CUL1: variants seen among roughly 807,000 people sequenced by gnomAD.
CUL1 encodes cullin-1.
CUL1 carries 24 observed loss-of-function variants against 118.0 expected under a neutral mutation model. The ratio of observed to expected loss-of-function variants is 0.20; its 90% CI spans 0.15 to 0.29. The LOEUF (loss-of-function observed/expected upper bound fraction) is 0.29, where lower values mean the gene tolerates loss of function less well. Ranked by LOEUF, CUL1 falls within the 10% of genes least tolerant of loss-of-function variation. The pLI is 1.00. For missense variants in CUL1, 361 were observed against 933.8 expected (o/e 0.39, Z 7.99); for synonymous variants, 332 against 340.4 (o/e 0.98, Z 0.27).
intron 14 of CUL1, among the ~76,000 whole-genome samples, 186 bp from the exon 15 acceptor site, chr7:148,789,564 C>T (rs548154302): frequency 5.7e-4 from 87 of 152,270 alleles, no homozygotes; most frequent in African/African-American, 2.0e-3. Context: ...CTGGCTCTTG[C>T]ACTTTTTGCT....
intron 1 of CUL1, among the ~76,000 whole-genome samples, chr7:148,725,328 C>T (rs760941490): frequency 6.6e-6 from 1 of 152,174 alleles, no homozygotes; most frequent in Non-Finnish European, 1.5e-5. Context: ...ACACAGGTGA[C>T]ACACCCAGAT....
chr7:148,767,630 A>C lies in CUL1; in HGVS notation c.964A>C (p.Met322Leu), dbSNP rs1310175647. 1 of 1,613,512 alleles carries C rather than the reference A, an allele frequency of 6.2e-7. No individual in the cohort carries two copies. The highest frequency in any genetic ancestry group is 8.5e-7 in the Non-Finnish European group (1 of 1,179,890). ...TCTTCCTCTTTCAGATTTGGGACGCATGTATAATCTTGTATCTAGAATCCA... is the reference window on the plus strand; with the variant it reads ...TCTTCCTCTTTCAGATTTGGGACGCCTGTATAATCTTGTATCTAGAATCCA... ...DADKNEDLGR[M>L]YNLVSRIQDG... The change falls in exon 9 of 22, where the codon ATG becomes CTG. Residue 322 changes from methionine (M) to leucine (L), a missense_variant. Met to Leu is a conservative substitution (Grantham distance 15). Around this residue, in one of 7 missense-constraint regions of CUL1, gnomAD observed 169 missense variants for 429.7 expected, o/e 0.39. Transcript: ENST00000325222.
At chr7:148,776,306 G>GTTTTTTTTTT (rs1563166099) in intron 9 of CUL1, among the ~76,000 whole-genome samples, 3 of 33,954 alleles carry the variant, frequency 8.8e-5, no homozygotes, top group South Asian at 8.3e-4. Context: ...ACATAACCAG[G>GTTTTTTTTTT]CTTTTTTTTT....
At chr7:148,740,144 G>T (rs1799095140) in intron 2 of CUL1, among the ~76,000 whole-genome samples, 1 of 150,928 alleles carries the variant, frequency 6.6e-6, no homozygotes, top group African/African-American at 2.4e-5. Flanking sequence ...TCTCCACCTC[G>T]CAGGTTCAAG....
chr7:148,730,096 C>T lies in CUL1; in HGVS notation c.-27C>T. 6.2e-7 allele frequency: 1 copy of T among 1,606,232 alleles called. No individual in the cohort carries two copies. The highest frequency in any genetic ancestry group is 1.3e-5 in the African/African-American group (1 of 74,804). ...TGTACTTTGAATAAGGATTGCTGCA[C>T]TGGACGACTTTAGAACATCCCTCAC... On this transcript the variant is annotated 5_prime_UTR_variant, in exon 2 of 22. Transcript: ENST00000325222.
At chr7:148,757,742 G>A (rs1395609763) in intron 4 of CUL1, among the ~76,000 whole-genome samples, 1 of 152,180 alleles carries the variant, frequency 6.6e-6, no homozygotes. Context: ...GAAGTGTAAT[G>A]GGCTCAACAG....
chr7:148,703,942 C>T (rs1326575730), intron 1 of CUL1, among the ~76,000 whole-genome samples: 4 of 151,952 alleles, frequency 2.6e-5, no homozygotes, highest in African/African-American at 7.3e-5. Flanking sequence ...AACAGCATGG[C>T]GATCTCAAGA....
chr7:148,788,744 A>C (rs916956405), intron 14 of CUL1, 70 bp downstream of exon 14: 37 of 1,016,250 alleles, frequency 3.6e-5, no homozygotes, highest in Non-Finnish European at 4.2e-5. Context: ...GAAATGACAA[A>C]ATATTAGGTG....
chr7:148,772,427 A>AAC (rs1800245203), intron 9 of CUL1, among the ~76,000 whole-genome samples: 1 of 150,764 alleles, frequency 6.6e-6, no homozygotes, highest in African/African-American at 2.4e-5. Context: ...AAAAAAAACA[A>AAC]AAAAAAAAAC....
intron 2 of CUL1, among the ~76,000 whole-genome samples, chr7:148,732,790 T>A (rs2129459674): frequency 6.6e-6 from 1 of 152,366 alleles, no homozygotes; most frequent in South Asian, 2.1e-4. Context: ...AATTTGTAGT[T>A]GTTTTGGTAC....
chr7:148,716,509 T>A (rs961116053), intron 1 of CUL1, among the ~76,000 whole-genome samples: 1 of 152,218 alleles, frequency 6.6e-6, no homozygotes, highest in African/African-American at 2.4e-5. Context: ...AGAAGCCCCC[T>A]GAAATCCGCC....
At chr7:148,750,984 TAA>T (rs71192723) in intron 2 of CUL1, among the ~76,000 whole-genome samples, 41,747 of 143,120 alleles carry the variant, frequency 0.29, 6,590 homozygotes, top group African/African-American at 0.44. Flanking sequence ...CCTGTCTCTT[TAA>T]AAAAAAAAAA....
intron 1 of CUL1, among the ~76,000 whole-genome samples, chr7:148,726,261 A>G (rs184973724): frequency 6.6e-6 from 1 of 152,352 alleles, no homozygotes; most frequent in East Asian, 1.9e-4. Flanking sequence ...TTATGGAGAA[A>G]AATCCACATT....
At chr7:148,766,175 G>C (rs1799996620) in intron 7 of CUL1, among the ~76,000 whole-genome samples, 1 of 151,768 alleles carries the variant, frequency 6.6e-6, no homozygotes, top group South Asian at 2.1e-4. Flanking sequence ...CTGTTGCCCA[G>C]GCTGAAATGC....
At chr7:148,789,992 AG>A (rs1000988927) in intron 15 of CUL1, among the ~76,000 whole-genome samples, 166 bp downstream of exon 15, 2 of 152,232 alleles carry the variant, frequency 1.3e-5, no homozygotes, top group African/African-American at 4.8e-5. Flanking sequence ...GCAGTGGGGC[AG>A]GTCTGGATGT....
intron 2 of CUL1, among the ~76,000 whole-genome samples, chr7:148,731,722 ATTTAC>A (rs1281077635): frequency 6.6e-6 from 1 of 152,106 alleles, no homozygotes; most frequent in Admixed American, 6.5e-5. Flanking sequence ...GCAACTACTC[ATTTAC>A]TTTGTCTCTA....
chr7:148,761,843 C>T (rs1212724187), intron 7 of CUL1, among the ~76,000 whole-genome samples: 3 of 152,208 alleles, frequency 2.0e-5, no homozygotes, highest in Admixed American at 1.3e-4. Flanking sequence ...GCATCACAGA[C>T]GGTGGCTGGG....
chr7:148,739,785 A>T (rs911467808), intron 2 of CUL1, among the ~76,000 whole-genome samples: 38 of 152,314 alleles, frequency 2.5e-4, no homozygotes, highest in African/African-American at 8.9e-4. Context: ...CCTCTGTGAC[A>T]TAAGAAACCT....
At chr7:148,721,089 T>G (rs243524) in intron 1 of CUL1, among the ~76,000 whole-genome samples, 55,118 of 152,146 alleles carry the variant, frequency 0.36, 10,144 homozygotes, top group South Asian at 0.48. Flanking sequence ...ATTTCTGAGC[T>G]TGAACTTTCC....
Sources: gnomAD v4.1 joint callset for allele counts (sites outside exome capture counted in the v4.1 genomes callset) on GRCh38, gnomAD v4.1.1 for gene constraint, gnomAD v4.1.1 regional missense constraint, MANE v1.5 for transcripts, NCBI Gene and HGNC (gene_info 2026-07-23, HGNC 2026-07-21) for gene names.